The following PCDH11X variants were observed in gnomAD, a reference collection of about 807,000 sequenced individuals.
PCDH11X encodes protocadherin-11 X-linked.
In PCDH11X, 18 loss-of-function variants were observed where a neutral mutation model predicts 53.3. That is an observed-to-expected ratio of 0.34 (90% CI 0.23 to 0.50). The LOEUF is 0.50. Ranked by LOEUF, PCDH11X falls within the 20% of genes least tolerant of loss-of-function variation. PCDH11X has a pLI of 0.98. For missense variants in PCDH11X, 570 were observed against 1,032.4 expected (o/e 0.55, Z 6.14); for synonymous variants, 279 against 393.3 (o/e 0.71, Z 3.44).
intron 6 of PCDH11X, among the ~76,000 whole-genome samples, chrX:92,149,131 G>T (rs2148235653): frequency 9.1e-6 from 1 of 110,368 alleles, no homozygotes; most frequent in Admixed American, 9.7e-5. Flanking sequence ...TATAACTGTG[G>T]GTCTGAAAGT....
chrX:92,086,573 G>A (rs2063955135), intron 6 of PCDH11X, among the ~76,000 whole-genome samples: 1 of 111,426 alleles, frequency 9.0e-6, no homozygotes, highest in Admixed American at 9.6e-5. Context: ...TATAGCACAG[G>A]TTACCTAAGC....
intron 6 of PCDH11X, among the ~76,000 whole-genome samples, chrX:91,944,076 T>A (rs2061542968): frequency 1.2e-5 from 1 of 82,883 alleles, no homozygotes; most frequent in African/African-American, 4.1e-5. Flanking sequence ...CTTGCTCTTG[T>A]TCAGTGCTTA....
chrX:91,806,657 G>C (rs1424360264), intron 1 of PCDH11X, among the ~76,000 whole-genome samples: 2 of 112,318 alleles, frequency 1.8e-5, no homozygotes, highest in East Asian at 5.6e-4. Flanking sequence ...TTAGGCCTAC[G>C]CTGATGGAGG....
At chrX:92,132,657 G>GTATATGTATATATATATGTATATA (rs2065009541) in intron 6 of PCDH11X, among the ~76,000 whole-genome samples, 2 of 54,374 alleles carry the variant, frequency 3.7e-5, no homozygotes, top group African/African-American at 1.4e-4. Flanking sequence ...ATATATATAT[G>GTATATGTATATATATATGTATATA]TATATATATA....
At chrX:92,443,726 A>G (rs1347582136) in intron 9 of PCDH11X, among the ~76,000 whole-genome samples, 1 of 111,344 alleles carries the variant, frequency 9.0e-6, no homozygotes, top group East Asian at 2.8e-4. Flanking sequence ...TGGATCTACC[A>G]TTATTCTTCT....
intron 8 of PCDH11X, among the ~76,000 whole-genome samples, chrX:92,280,671 T>C (rs2068231153): frequency 1.8e-5 from 2 of 110,957 alleles, no homozygotes; most frequent in African/African-American, 6.5e-5. Flanking sequence ...TTAAATGAGA[T>C]ACAAACATGC....
chrX:92,411,868 GAAAGAAGAA>G (rs2148601821), intron 9 of PCDH11X, among the ~76,000 whole-genome samples: 1 of 80,811 alleles, frequency 1.2e-5, no homozygotes, highest in Non-Finnish European at 2.2e-5. Context: ...AAGAAAGAAA[GAAAGAAGAA>G]GAAGAAAAAG....
chrX:92,129,102 C>A (rs1174951344), intron 6 of PCDH11X, among the ~76,000 whole-genome samples: 11 of 110,694 alleles, frequency 9.9e-5, no homozygotes, highest in Non-Finnish European at 2.1e-4. Context: ...GGAAAAAAGT[C>A]TTTTCCTAGG....
chrX:92,571,958 A>C (rs1002781399), intron 10 of PCDH11X, among the ~76,000 whole-genome samples: 13 of 112,224 alleles, frequency 1.2e-4, no homozygotes, highest in African/African-American at 4.2e-4. Flanking sequence ...GAAACAATAA[A>C]ATTTTCAAAC....
At chrX:92,041,928 C>G (rs1008707893) in intron 6 of PCDH11X, among the ~76,000 whole-genome samples, 2 of 112,134 alleles carry the variant, frequency 1.8e-5, no homozygotes, top group Non-Finnish European at 3.8e-5. Flanking sequence ...GAGATCACAC[C>G]ACTGCACTCT....
intron 10 of PCDH11X, among the ~76,000 whole-genome samples, chrX:92,498,149 G>A (rs187272937): frequency 2.0e-4 from 22 of 111,619 alleles, no homozygotes; most frequent in Middle Eastern, 4.7e-3. Flanking sequence ...TAATTTGACC[G>A]TTATTTCAGA....
intron 6 of PCDH11X, among the ~76,000 whole-genome samples, chrX:92,147,422 G>A (rs1316702133): frequency 2.7e-5 from 3 of 111,448 alleles, no homozygotes; most frequent in Non-Finnish European, 5.6e-5. Flanking sequence ...TCATTCTAAT[G>A]TATGTTTGAA....
rs1273210501 is a variant in PCDH11X at position 92,470,233 on chromosome X, A to T, written c.3367+1911A>T. 3.0e-5 allele frequency among the ~76,000 whole-genome samples: 3 copies of T among 101,059 alleles called. No homozygotes were observed. In the East Asian group the frequency reaches 9.2e-4, roughly 31 times the overall value. 87.8% of individuals were successfully genotyped at this position (101,059 alleles called of 115,157 possible). A position where few individuals can be genotyped will look rare whatever the true frequency, so the allele number is the denominator to read the frequency against. ...GTATGTTGATTTTGGATATGAAATC[A>T]ATATTCATCAGTGATATTGGCCTGT... On this transcript the variant is annotated intron_variant, in intron 10 of 10. Transcript: ENST00000682573.
intron 6 of PCDH11X, among the ~76,000 whole-genome samples, chrX:92,072,395 C>T (rs1054169854): frequency 6.3e-5 from 7 of 110,950 alleles, no homozygotes; most frequent in Non-Finnish European, 1.1e-4. Flanking sequence ...GCTGATAATG[C>T]GCTGAGTTTC....
At chrX:91,820,633 T>G (rs1936635317) in intron 4 of PCDH11X, among the ~76,000 whole-genome samples, 1 of 102,370 alleles carries the variant, frequency 9.8e-6, no homozygotes, top group Admixed American at 1.0e-4. Context: ...GCCTGTTCAC[T>G]CTGATGGTAG....
rs1937217328 is a variant in PCDH11X at position 91,834,289 on chromosome X, A to T, written c.-44-1172A>T. On this transcript the variant is annotated intron_variant, in intron 4 of 10. Coordinates refer to ENST00000682573, the MANE Select transcript of PCDH11X (RefSeq NM_032968.5). ...AGGAAACTGAAGATAAAATTTGCAG[A>T]TTTTAAGAAAATCAAAATTCCTCAT... 6.3e-5 allele frequency among the ~76,000 whole-genome samples: 7 copies of T among 111,539 alleles called. No individual in the cohort carries two copies. The South Asian group carries it at 2.6e-3, about 41-fold the overall frequency.
In PCDH11X at chrX:91,976,464, G is replaced by A. The variant is rs1160007363; in HGVS notation, c.3033+97191G>A. Among the ~76,000 whole-genome samples, 5 of 111,845 alleles carry A rather than the reference G, an allele frequency of 4.5e-5. No homozygotes were observed. The Admixed American group carries it at 4.7e-4, about 11-fold the overall frequency. On this transcript the variant is annotated intron_variant, in intron 6 of 10. Coordinates refer to ENST00000682573, the MANE Select transcript of PCDH11X (RefSeq NM_032968.5). ...CAGACATACTTTCTCTCTTCTATAA[G>A]GGTATTGAATGATAGACTTTTTGTT...
intron 8 of PCDH11X, among the ~76,000 whole-genome samples, chrX:92,277,653 A>G (rs2068133514): frequency 9.3e-6 from 1 of 107,912 alleles, no homozygotes; most frequent in Admixed American, 1.0e-4. Context: ...GGGATGGGGC[A>G]CAGAAATAAG....
At chrX:92,193,364 A>T (rs2066233461) in intron 6 of PCDH11X, among the ~76,000 whole-genome samples, 1 of 111,348 alleles carries the variant, frequency 9.0e-6, no homozygotes, top group African/African-American at 3.3e-5. Context: ...TAAAGTATGT[A>T]TAACTTTTGT....
Sources: allele counts gnomAD v4.1 joint callset (sites outside exome capture counted in the v4.1 genomes callset), GRCh38; gene constraint gnomAD v4.1.1; transcripts MANE v1.5; gene names NCBI Gene and HGNC (gene_info 2026-07-23, HGNC 2026-07-21).